Variants in STXBP5L observed in about 807,000 individuals in gnomAD.
STXBP5L encodes syntaxin binding protein 5L, also known as syntaxin-binding protein 5-like.
Under a neutral mutation model 144.5 loss-of-function variants are expected in STXBP5L, and 65 were observed. The observed-to-expected ratio is 0.45, with a 90% CI of 0.37 to 0.55. STXBP5L has a LOEUF of 0.55. Ranked by LOEUF, STXBP5L falls within the 20% of genes least tolerant of loss-of-function variation. The probability of loss-of-function intolerance (pLI) is 0.00; values close to 1 mark genes in which losing one functional copy is unlikely to be tolerated. For synonymous variants in STXBP5L, 505 were observed against 469.6 expected, an observed-to-expected ratio of 1.08 and a Z score of -0.97; for missense variants, 1,298 against 1,405.5, an observed-to-expected ratio of 0.92 and a Z score of 1.22.
chr3:121,061,314 T>A lies in STXBP5L; in HGVS notation c.470+15779T>A, dbSNP rs1487208869. Reference sequence around the variant, plus strand: ...AGTTTCTTAACCCCGAGTTCTAATTTGATTGCACTGTGGTCTGAGAGACTG... The same window carrying A: ...AGTTTCTTAACCCCGAGTTCTAATTAGATTGCACTGTGGTCTGAGAGACTG... On this transcript the variant is annotated intron_variant, in intron 5 of 26. Transcript: ENST00000471454. Among the ~76,000 whole-genome samples the A allele has an allele frequency of 7.2e-5, 11 of 152,238 alleles. 1 individual carries two copies. Among genetic ancestry groups the A allele is most frequent in the Admixed American group, 6.5e-4 (10 of 15,278 alleles).
chr3:120,943,299 TC>T (rs1710663389), intron 2 of STXBP5L, among the ~76,000 whole-genome samples: 7 of 151,756 alleles, frequency 4.6e-5, no homozygotes, highest in Admixed American at 3.3e-4. Context: ...CTTGTAAGAC[TC>T]CTTTTTAGAG....
chr3:120,972,894 T>A (rs1045822447), intron 3 of STXBP5L, among the ~76,000 whole-genome samples: 1 of 152,156 alleles, frequency 6.6e-6, no homozygotes, highest in African/African-American at 2.4e-5. Context: ...ATATGTTGAA[T>A]CGTCCTTGCA....
chr3:121,400,621 T>A (rs1283596617), intron 22 of STXBP5L, among the ~76,000 whole-genome samples: 1 of 152,176 alleles, frequency 6.6e-6, no homozygotes, highest in Non-Finnish European at 1.5e-5. Context: ...AGTCATGTGG[T>A]GAGACCCTCA....
At chr3:120,930,865 C>T (rs1709895417) in intron 2 of STXBP5L, among the ~76,000 whole-genome samples, 1 of 150,520 alleles carries the variant, frequency 6.6e-6, no homozygotes, top group Non-Finnish European at 1.5e-5. Context: ...TGTGGTACTC[C>T]TTTGTCATAT....
chr3:121,406,352 G>A (rs1340670176), intron 22 of STXBP5L, among the ~76,000 whole-genome samples: 3 of 151,880 alleles, frequency 2.0e-5, no homozygotes, highest in Admixed American at 6.6e-5. Context: ...CCCTTTTCAA[G>A]TCTCTGTCAC....
chr3:120,980,715 T>A (rs1315178470), intron 3 of STXBP5L, among the ~76,000 whole-genome samples: 1 of 152,164 alleles, frequency 6.6e-6, no homozygotes, highest in Non-Finnish European at 1.5e-5. Flanking sequence ...AGGTTAATAT[T>A]CATATGTGAG....
At chr3:121,372,926 T>A (rs1294137863) in intron 20 of STXBP5L, among the ~76,000 whole-genome samples, 2 of 152,150 alleles carry the variant, frequency 1.3e-5, no homozygotes, top group African/African-American at 2.4e-5. Flanking sequence ...TTTTAAAAAT[T>A]AAAGCTATTT....
intron 5 of STXBP5L, among the ~76,000 whole-genome samples, chr3:121,064,058 G>C (rs1477016103): frequency 1.3e-5 from 2 of 152,164 alleles, no homozygotes; most frequent in Admixed American, 6.5e-5. Context: ...CCTCCAGCTA[G>C]CTCGGTGTCT....
chr3:121,311,337 C>A (rs1186557266), intron 19 of STXBP5L, among the ~76,000 whole-genome samples: 2 of 152,090 alleles, frequency 1.3e-5, no homozygotes. Context: ...AGGAAAAACA[C>A]AAACAAATCA....
At chr3:121,347,800 T>C (rs1238791623) in intron 20 of STXBP5L, among the ~76,000 whole-genome samples, 3 of 152,200 alleles carry the variant, frequency 2.0e-5, no homozygotes, top group Non-Finnish European at 4.4e-5. Context: ...TTTTTGCACA[T>C]TGATTTTGTA....
chr3:121,089,606 T>C (rs1016752360), intron 5 of STXBP5L, among the ~76,000 whole-genome samples: 1 of 152,056 alleles, frequency 6.6e-6, no homozygotes, highest in Admixed American at 6.6e-5. Flanking sequence ...TCTGGGTTTA[T>C]TCCGTTTAGT....
rs2050162519 is a variant in STXBP5L, at chr3:121,255,097, T to A, written c.1644T>A (p.Ile548=). 2 of 1,591,196 alleles carry A rather than the reference T, an allele frequency of 1.3e-6. No individual in the cohort carries two copies. The highest frequency in any genetic ancestry group is 1.7e-6 in the Non-Finnish European group (2 of 1,170,270). Residue 548 remains isoleucine, a synonymous_variant, in exon 16 of 27, where the codon ATT becomes ATA. Coordinates refer to ENST00000471454, the MANE Select transcript of STXBP5L (RefSeq NM_001308330.2). ...TTTATAAATTCAGCAGACATGAAAT[T>A]ACAACAGAAATAGTGGTAAGTTATT... The part of the protein sequence containing the change: ...VIIYKFSRHE[I]TTEIVSLEVR...
Position 121,188,805 on chromosome 3 carries a change from A to T in STXBP5L, c.878-17118A>T, listed in dbSNP as rs1369802924. On this transcript the variant is annotated intron_variant, in intron 9 of 26. Coordinates refer to ENST00000471454, the MANE Select transcript of STXBP5L (RefSeq NM_001308330.2). ...AATAAACTAGGTATTGATGGAACAT[A>T]TCTCCAAATAATAAGAGCTATTTAT... Among the ~76,000 whole-genome samples, 4 of 152,238 alleles carry T rather than the reference A, an allele frequency of 2.6e-5. No individual in the cohort carries two copies. The East Asian group carries it at 7.7e-4, about 29-fold the overall frequency.
chr3:121,268,996 C>A (rs1449994868), intron 18 of STXBP5L, among the ~76,000 whole-genome samples: 1 of 152,100 alleles, frequency 6.6e-6, no homozygotes, highest in Non-Finnish European at 1.5e-5. Flanking sequence ...CTCAATTTCA[C>A]CCTTTTGGTC....
intron 7 of STXBP5L, among the ~76,000 whole-genome samples, chr3:121,127,312 A>G (rs1159625610): frequency 1.3e-5 from 2 of 152,114 alleles, no homozygotes. Context: ...TATGGCTGCC[A>G]TAACATATGA....
intron 20 of STXBP5L, among the ~76,000 whole-genome samples, chr3:121,344,050 G>T (rs1435528941): frequency 6.6e-6 from 1 of 151,884 alleles, no homozygotes; most frequent in African/African-American, 2.4e-5. Context: ...CCAAAACAGA[G>T]ATATAGATCA....
chr3:120,923,852 A>G (rs1055836427), intron 2 of STXBP5L, among the ~76,000 whole-genome samples: 1 of 151,982 alleles, frequency 6.6e-6, no homozygotes, highest in Non-Finnish European at 1.5e-5. Flanking sequence ...AATTAGGCCT[A>G]TTTGGTCTAG....
chr3:120,909,881 C>A, intron 2 of STXBP5L, 114 bp downstream of exon 2: 1 of 1,128,664 alleles, frequency 8.9e-7, no homozygotes, highest in Non-Finnish European at 1.2e-6. Flanking sequence ...GCATCAGAGT[C>A]TGCTGCAGAA....
At chr3:121,031,504 G>A (rs1450001137) in intron 3 of STXBP5L, among the ~76,000 whole-genome samples, 2 of 152,050 alleles carry the variant, frequency 1.3e-5, no homozygotes, top group Non-Finnish European at 2.9e-5. Flanking sequence ...GCAGGCTGGA[G>A]ACCCAGGGAT....
Sources: allele counts gnomAD v4.1 joint callset (sites outside exome capture counted in the v4.1 genomes callset), GRCh38; gene constraint gnomAD v4.1.1; transcripts MANE v1.5; gene names NCBI Gene and HGNC (gene_info 2026-07-23, HGNC 2026-07-21).